The following QTGAL variants were observed in gnomAD, a reference collection of about 807,000 sequenced individuals.
QTGAL encodes the protein queuosine-tRNA galactosyltransferase.
the QTGAL span, among the ~76,000 whole-genome samples, chr17:82,966,083 CTTT>C: frequency 3.5e-5 from 5 of 141,138 alleles, no homozygotes; most frequent in Non-Finnish European, 4.6e-5. Flanking sequence ...CTGATTTTTA[CTTT>C]TTTTTTTTTT....
chr17:82,997,242 A>G, the QTGAL span, among the ~76,000 whole-genome samples: 1 of 152,264 alleles, frequency 6.6e-6, no homozygotes, highest in Non-Finnish European at 1.5e-5. Flanking sequence ...AGATCTGAAC[A>G]GACACTTCTC....
the QTGAL span, among the ~76,000 whole-genome samples, chr17:82,983,417 G>A: frequency 3.3e-5 from 5 of 152,172 alleles, no homozygotes; most frequent in East Asian, 9.7e-4. Context: ...TGCACACTTC[G>A]CCAGAAGCCT....
the QTGAL span, among the ~76,000 whole-genome samples, chr17:83,027,838 G>C: frequency 3.4e-4 from 51 of 152,218 alleles, no homozygotes; most frequent in South Asian, 0.01. Flanking sequence ...AACAGGCCAG[G>C]TGTGGTGGCT....
At chr17:83,035,358 G>A in the QTGAL span, among the ~76,000 whole-genome samples, 1 of 151,866 alleles carries the variant, frequency 6.6e-6, no homozygotes, top group Non-Finnish European at 1.5e-5. Context: ...TTTGTATTTG[G>A]GGGTTTCTCC....
the QTGAL span, among the ~76,000 whole-genome samples, chr17:82,970,541 TCCGCACCCGGCGTGGCCGC>T: frequency 4.5e-4 from 67 of 148,016 alleles, 6 homozygotes; most frequent in African/African-American, 9.9e-4. Flanking sequence ...GGCCGCGACC[TCCGCACCCGGCGTGGCCGC>T]GACCTCCGCA....
the QTGAL span, chr17:82,956,739 G>A: frequency 6.3e-7 from 1 of 1,589,806 alleles, no homozygotes; most frequent in East Asian, 2.3e-5. The surrounding 1 kb of genome is among the most constrained non-coding windows in gnomAD (Gnocchi z 5.7). Flanking sequence ...GCTCGGAAGT[G>A]CAGGATGGGG....
chr17:82,977,648 A>G, the QTGAL span, among the ~76,000 whole-genome samples: 1 of 152,128 alleles, frequency 6.6e-6, no homozygotes, highest in Non-Finnish European at 1.5e-5. Flanking sequence ...ACCGTGAAAG[A>G]GCTGGACCAC....
the QTGAL span, among the ~76,000 whole-genome samples, chr17:82,972,277 C>T: frequency 1.5e-5 from 2 of 131,412 alleles, no homozygotes; most frequent in Admixed American, 7.7e-5. Context: ...CACCACACCA[C>T]AGGGGCCAGA....
At chr17:83,035,567 A>G in the QTGAL span, among the ~76,000 whole-genome samples, 1 of 151,736 alleles carries the variant, frequency 6.6e-6, no homozygotes, top group Non-Finnish European at 1.5e-5. Context: ...AGAGAGAGAC[A>G]ATATTCCACC....
At chr17:82,967,683 C>T in the QTGAL span, among the ~76,000 whole-genome samples, 1 of 152,122 alleles carries the variant, frequency 6.6e-6, no homozygotes, top group East Asian at 1.9e-4. Context: ...TGACTCACAC[C>T]TGTAATCCCA....
the QTGAL span, among the ~76,000 whole-genome samples, chr17:82,999,549 C>G: frequency 1.3e-5 from 2 of 152,290 alleles, no homozygotes; most frequent in African/African-American, 2.4e-5. Flanking sequence ...CCGATAACAT[C>G]AACGGTCGGT....
the QTGAL span, among the ~76,000 whole-genome samples, chr17:82,977,917 G>T: frequency 2.0e-5 from 3 of 152,194 alleles, no homozygotes; most frequent in South Asian, 6.2e-4. Context: ...CAGCATTTCC[G>T]CTCCATCCCG....
the QTGAL span, among the ~76,000 whole-genome samples, chr17:83,044,739 T>C: frequency 2.6e-5 from 4 of 152,106 alleles, no homozygotes; most frequent in African/African-American, 7.2e-5. Flanking sequence ...AGGTCAGGAG[T>C]TTGAGACCAG....
At chr17:82,968,097 C>A in the QTGAL span, among the ~76,000 whole-genome samples, 354 of 152,324 alleles carry the variant, frequency 2.3e-3, 2 homozygotes, top group Middle Eastern at 6.8e-3. Flanking sequence ...CCGTTCCAGT[C>A]CTAGACATTT....
the QTGAL span, chr17:82,965,633 C>T: frequency 3.8e-6 from 6 of 1,584,972 alleles, no homozygotes; most frequent in Admixed American, 1.8e-5. Context: ...GGACCTGATT[C>T]CCGCCTTCGG....
the QTGAL span, among the ~76,000 whole-genome samples, chr17:82,977,742 C>T: frequency 3.3e-5 from 5 of 152,106 alleles, no homozygotes; most frequent in African/African-American, 7.2e-5. Flanking sequence ...AGGACGGTGA[C>T]GCCCGAGAGG....
At chr17:82,965,619 G>A in the QTGAL span, 1 of 1,556,184 alleles carries the variant, frequency 6.4e-7, no homozygotes, top group Non-Finnish European at 8.7e-7. Flanking sequence ...CGAACCTGGG[G>A]GAGGGACCTG....
At chr17:83,020,987 T>A in the QTGAL span, among the ~76,000 whole-genome samples, 2 of 152,266 alleles carry the variant, frequency 1.3e-5, no homozygotes, top group African/African-American at 4.8e-5. Flanking sequence ...TATAGAGTCA[T>A]ACATTGTGTT....
chr17:83,001,382 T>C, the QTGAL span, among the ~76,000 whole-genome samples: 3 of 152,314 alleles, frequency 2.0e-5, no homozygotes, highest in South Asian at 4.1e-4. Context: ...AACTGCAATG[T>C]ATGCACCTTC....
Sources: allele counts gnomAD v4.1 joint callset (sites outside exome capture counted in the v4.1 genomes callset), GRCh38; gene constraint gnomAD v4.1.1; non-coding constraint Gnocchi (gnomAD v3.1); transcripts MANE v1.5; gene names NCBI Gene and HGNC (gene_info 2026-07-23, HGNC 2026-07-21).